Variants in GALM observed in about 807,000 individuals in gnomAD.
GALM encodes the protein galactose mutarotase.
In GALM, 43 loss-of-function variants were observed where a neutral mutation model predicts 37.4. That is an observed-to-expected ratio of 1.15 (90% confidence interval 0.90 to 1.48). GALM has a LOEUF of 1.48. Among genes scored for constraint, GALM ranks in the 40% most tolerant of loss-of-function variants. GALM has a pLI of 0.00. For missense variants in GALM, 456 were observed against 419.1 expected (o/e 1.09, Z -0.77); for synonymous variants, 199 against 170.6 (o/e 1.17, Z -1.30).
At chr2:38,733,450 C>T (rs752300510) in intron 6 of GALM, 38 bp from the exon 7 acceptor site, 31 of 1,537,976 alleles carry the variant, frequency 2.0e-5, no homozygotes, top group East Asian at 9.0e-5. Context: ...TTGCAGCCTG[C>T]GGTGTCAAGC....
chr2:38,703,075 TATATATATATATATATA>T lies in GALM; in HGVS notation c.634+13182_634+13198del, dbSNP rs1402914668. Among the ~76,000 whole-genome samples the T allele has an allele frequency of 4.1e-3, 29 of 7,040 alleles. 1 individual carries two copies. The highest frequency in any genetic ancestry group is 9.9e-3 in the Non-Finnish European group (25 of 2,522). 4.6% of individuals were successfully genotyped at this position (7,040 alleles called of 152,430 possible). A position where few individuals can be genotyped will look rare whatever the true frequency, so the allele number is the denominator to read the frequency against. On this transcript the variant is annotated intron_variant, in intron 4 of 6. Transcript: ENST00000272252. ...GATTTTATATATATATATATATATA[TATATATATATATATATA>T]TTTTTTTTTTTTTTTTTTTTTTTTT...
chr2:38,687,708 C>A (rs1221088768), intron 3 of GALM, among the ~76,000 whole-genome samples: 1 of 149,436 alleles, frequency 6.7e-6, no homozygotes, highest in African/African-American at 2.5e-5. Flanking sequence ...AAGACTCTGC[C>A]TCCGAAAAAA....
intron 4 of GALM, among the ~76,000 whole-genome samples, chr2:38,704,334 G>A (rs1242108720): frequency 6.6e-6 from 1 of 151,982 alleles, no homozygotes; most frequent in African/African-American, 2.4e-5. Context: ...GCATAGCTAG[G>A]ATCACAGGCA....
At chr2:38,692,138 C>T (rs1184931401) in intron 4 of GALM, among the ~76,000 whole-genome samples, 2 of 152,140 alleles carry the variant, frequency 1.3e-5, no homozygotes, top group African/African-American at 4.8e-5. Context: ...AACTTCAGAG[C>T]TCATGAAAAA....
intron 4 of GALM, among the ~76,000 whole-genome samples, chr2:38,700,887 T>C (rs1213082341): frequency 6.6e-6 from 1 of 152,268 alleles, no homozygotes; most frequent in African/African-American, 2.4e-5. Context: ...CCTTTGTGTA[T>C]GTGCTCTACC....
intron 4 of GALM, among the ~76,000 whole-genome samples, chr2:38,700,354 G>A (rs1253022493): frequency 6.6e-6 from 1 of 152,114 alleles, no homozygotes; most frequent in Non-Finnish European, 1.5e-5. Flanking sequence ...TTGTATTGGT[G>A]TCTATGTCTC....
chr2:38,705,821 T>C (rs1666023960), intron 4 of GALM, among the ~76,000 whole-genome samples: 1 of 152,190 alleles, frequency 6.6e-6, no homozygotes, highest in African/African-American at 2.4e-5. Flanking sequence ...TTCTGGGCCA[T>C]GCCGATGAGC....
At chr2:38,700,532 T>G (rs1379706865) in intron 4 of GALM, among the ~76,000 whole-genome samples, 1 of 152,198 alleles carries the variant, frequency 6.6e-6, no homozygotes, top group Non-Finnish European at 1.5e-5. Context: ...CTGTTTCATC[T>G]GATACAAGTA....
chr2:38,720,592 G>A (rs901645917), intron 4 of GALM, among the ~76,000 whole-genome samples: 2 of 152,096 alleles, frequency 1.3e-5, no homozygotes, highest in Non-Finnish European at 2.9e-5. Flanking sequence ...CCAGCACTTC[G>A]TTTATTATCT....
At chr2:38,711,596 T>C (rs72895800) in intron 4 of GALM, among the ~76,000 whole-genome samples, 6,035 of 151,834 alleles carry the variant, frequency 0.04, 406 homozygotes, top group African/African-American at 0.14. Flanking sequence ...TTAATACTTA[T>C]GAGAGTTAGT....
At chr2:38,700,746 G>A (rs1194225721) in intron 4 of GALM, among the ~76,000 whole-genome samples, 2 of 151,970 alleles carry the variant, frequency 1.3e-5, no homozygotes, top group Non-Finnish European at 2.9e-5. Context: ...GATAGGTGAG[G>A]ACTTCTGTCA....
At chr2:38,729,313 G>C (rs1049925676) in intron 4 of GALM, among the ~76,000 whole-genome samples, 3 of 152,018 alleles carry the variant, frequency 2.0e-5, no homozygotes, top group Non-Finnish European at 2.9e-5. Context: ...TCAGCCTCCT[G>C]AGTAGCTGAG....
At chr2:38,688,388 G>A (rs566988109) in intron 3 of GALM, among the ~76,000 whole-genome samples, 1 of 152,170 alleles carries the variant, frequency 6.6e-6, no homozygotes, top group African/African-American at 2.4e-5. Flanking sequence ...GTGCATGCCT[G>A]TAATCCCAGC....
chr2:38,714,219 GGTT>G (rs1052582226), intron 4 of GALM, among the ~76,000 whole-genome samples: 1 of 151,642 alleles, frequency 6.6e-6, no homozygotes, highest in African/African-American at 2.4e-5. Flanking sequence ...TTTGCGGGGG[GGTT>G]GTTGTTTTTT....
chr2:38,702,227 A>G (rs927657446), intron 4 of GALM, among the ~76,000 whole-genome samples: 8 of 152,168 alleles, frequency 5.3e-5, no homozygotes, highest in Admixed American at 2.6e-4. Flanking sequence ...ATGTAAAAGC[A>G]TCTATCTAAA....
intron 3 of GALM, among the ~76,000 whole-genome samples, chr2:38,684,899 A>G (rs754522002): frequency 6.6e-6 from 1 of 152,150 alleles, no homozygotes; most frequent in Non-Finnish European, 1.5e-5. Context: ...GATGAAAAGC[A>G]ATAGCATGTG....
chr2:38,707,714 C>G (rs531035558), intron 4 of GALM, among the ~76,000 whole-genome samples: 1 of 152,276 alleles, frequency 6.6e-6, no homozygotes, highest in South Asian at 2.1e-4. Flanking sequence ...GGCACAGTGC[C>G]TCACGCCTAT....
Position 38,666,255 on chromosome 2 carries a change from G to T in GALM, c.94G>T (p.Asp32Tyr). ...GCTGCAGTCAGACCTCTTGAGAGTG[G>T]ACATCATCTCCTGGGGCTGCACGAT... ...FQLQSDLLRV[D>Y]IISWGCTITA... The change falls in exon 1 of 7, where the codon GAC (aspartate) becomes TAC (tyrosine). Residue 32 changes from aspartate (D) to tyrosine (Y), a missense_variant. Asp to Tyr is a radical substitution (Grantham distance 160). Coordinates refer to ENST00000272252, the MANE Select transcript of GALM (RefSeq NM_138801.3). 1 of 1,614,014 alleles carries T rather than the reference G, an allele frequency of 6.2e-7. No homozygotes were observed. The highest frequency in any genetic ancestry group is 8.5e-7 in the Non-Finnish European group (1 of 1,179,874).
At chr2:38,671,934 C>T (rs1029816086) in intron 1 of GALM, among the ~76,000 whole-genome samples, 15 of 151,878 alleles carry the variant, frequency 9.9e-5, no homozygotes, top group Admixed American at 3.9e-4. Context: ...TGCAATGAGC[C>T]GTGATGGCAC....
Sources: gnomAD v4.1 joint callset for allele counts (sites outside exome capture counted in the v4.1 genomes callset) on GRCh38, gnomAD v4.1.1 for gene constraint, MANE v1.5 for transcripts, NCBI Gene and HGNC (gene_info 2026-07-23, HGNC 2026-07-21) for gene names.